The following ITFG1 variants were observed in gnomAD, a reference collection of about 807,000 sequenced individuals.
ITFG1 encodes the protein T-cell immunomodulatory protein.
Under a neutral mutation model 81.8 loss-of-function variants are expected in ITFG1, and 34 were observed. The observed-to-expected ratio is 0.42, with a 90% CI of 0.32 to 0.55. ITFG1 has a LOEUF of 0.55. Among genes scored for constraint, ITFG1 ranks in the 20% least tolerant of loss-of-function variants. The pLI is 0.17. For missense variants in ITFG1, 672 were observed against 755.4 expected (o/e 0.89, Z 1.29); for synonymous variants, 285 against 270.6 (o/e 1.05, Z -0.52).
At chr16:47,453,387 A>G (rs1969412981) in intron 3 of ITFG1, among the ~76,000 whole-genome samples, 2 of 152,300 alleles carry the variant, frequency 1.3e-5, no homozygotes, top group South Asian at 4.1e-4. Flanking sequence ...CCATACTTCA[A>G]CTTTTTTGTG....
In ITFG1 at chr16:47,365,872, G is replaced by A. The variant is rs1421190673; in HGVS notation, c.721-3C>T. ...GTACTGACAGAGAAGTTTCCATCCT[G>A]TTAAATGAAGAAAACTTTGAATTAG... On this transcript the variant is annotated splice_region_variant and splice_polypyrimidine_tract_variant and intron_variant, in intron 7 of 17. Coordinates refer to ENST00000320640, the MANE Select transcript of ITFG1 (RefSeq NM_030790.5). 6.6e-7 allele frequency: 1 copy of A among 1,524,620 alleles called. No homozygotes were observed. Among genetic ancestry groups the A allele is most frequent in the Admixed American group, 1.7e-5 (1 of 59,518 alleles). 94.4% of individuals were successfully genotyped at this position (1,524,620 alleles called of 1,614,324 possible).
chr16:47,183,435 G>A (rs1010309992), intron 14 of ITFG1, among the ~76,000 whole-genome samples: 5 of 152,216 alleles, frequency 3.3e-5, no homozygotes, highest in African/African-American at 1.2e-4. Context: ...GGAGATCTGA[G>A]AACGGGCAGA....
intron 8 of ITFG1, among the ~76,000 whole-genome samples, chr16:47,335,104 C>T (rs1354433849): frequency 6.6e-6 from 1 of 152,146 alleles, no homozygotes; most frequent in South Asian, 2.1e-4. Flanking sequence ...TGCCAGTAAA[C>T]CTAGCACTTT....
intron 6 of ITFG1, among the ~76,000 whole-genome samples, chr16:47,406,696 A>G (rs1466217110): frequency 6.6e-6 from 1 of 152,216 alleles, no homozygotes; most frequent in Non-Finnish European, 1.5e-5. Flanking sequence ...AACATTAAGT[A>G]TATAGTATTT....
intron 10 of ITFG1, among the ~76,000 whole-genome samples, chr16:47,292,701 C>T (rs1966923622): frequency 1.3e-5 from 2 of 152,294 alleles, no homozygotes; most frequent in South Asian, 2.1e-4. Flanking sequence ...TATTATTTTA[C>T]AATCTATGTC....
At chr16:47,379,534 A>G (rs1337331628) in intron 6 of ITFG1, among the ~76,000 whole-genome samples, 1 of 152,080 alleles carries the variant, frequency 6.6e-6, no homozygotes, top group Non-Finnish European at 1.5e-5. Flanking sequence ...CTAAAAAGAC[A>G]AAAATTAGCC....
chr16:47,181,524 G>A (rs1383681615), intron 14 of ITFG1, among the ~76,000 whole-genome samples: 35 of 129,430 alleles, frequency 2.7e-4, no homozygotes, highest in Non-Finnish European at 3.9e-4. Flanking sequence ...CCCCCCACCC[G>A]GCCAGCCTCC....
At position 47,459,192 on chromosome 16, in the gene ITFG1, T is replaced by C. The variant is rs772199050; in HGVS notation, c.209-17A>G. 6.7e-7 allele frequency: 1 copy of C among 1,494,740 alleles called. No homozygotes were observed. Among genetic ancestry groups the C allele is most frequent in the East Asian group, 2.3e-5 (1 of 44,248 alleles). The allele number at this position is 1,494,740 out of a possible 1,614,324, so 92.6% of individuals were successfully genotyped here. ...AGTCATTTCCTAAAGAAAACAAATA[T>C]ATGATATTAGAAAAATGTTTGTTGA... On this transcript the variant is annotated splice_polypyrimidine_tract_variant and intron_variant, in intron 1 of 17. Coordinates refer to ENST00000320640, the MANE Select transcript of ITFG1 (RefSeq NM_030790.5).
At chr16:47,298,299 A>G (rs191708809) in intron 10 of ITFG1, among the ~76,000 whole-genome samples, 1 of 152,180 alleles carries the variant, frequency 6.6e-6, no homozygotes, top group African/African-American at 2.4e-5. Context: ...TCAATAATTT[A>G]AATTGGTATT....
At chr16:47,323,158 T>C (rs117132430) in intron 8 of ITFG1, among the ~76,000 whole-genome samples, 2,228 of 152,200 alleles carry the variant, frequency 0.015, 16 homozygotes, top group Non-Finnish European at 0.024. Flanking sequence ...TGAGGCACTA[T>C]TGAGAAGTGT....
chr16:47,323,972 A>G (rs549246820), intron 8 of ITFG1, among the ~76,000 whole-genome samples: 1 of 152,330 alleles, frequency 6.6e-6, no homozygotes, highest in South Asian at 2.1e-4. Flanking sequence ...TGAAGTATTA[A>G]ATGTGCTATG....
intron 8 of ITFG1, among the ~76,000 whole-genome samples, chr16:47,347,426 C>T (rs778451402): frequency 2.0e-4 from 30 of 152,254 alleles, no homozygotes; most frequent in South Asian, 4.1e-4. Context: ...GGGTCTCACG[C>T]GCATGGGGCC....
intron 10 of ITFG1, among the ~76,000 whole-genome samples, chr16:47,292,676 C>T (rs1348102862): frequency 6.6e-6 from 1 of 152,144 alleles, no homozygotes; most frequent in African/African-American, 2.4e-5. Context: ...CCTTCCCTTC[C>T]AAGTCTTCAG....
At chr16:47,448,181 A>G (rs2151617467) in intron 5 of ITFG1, 1 of 152,324 alleles carries the variant, frequency 6.6e-6, no homozygotes, top group South Asian at 2.1e-4. Flanking sequence ...TAAGTGATAC[A>G]ATGTCACACT....
chr16:47,440,639 G>A (rs369540592), intron 5 of ITFG1, among the ~76,000 whole-genome samples: 1 of 152,104 alleles, frequency 6.6e-6, no homozygotes, highest in Middle Eastern at 3.4e-3. Flanking sequence ...CGAAACCAAC[G>A]AGAACAAAGA....
At chr16:47,166,780 T>TTG (rs1964895704) in intron 14 of ITFG1, among the ~76,000 whole-genome samples, 1 of 152,192 alleles carries the variant, frequency 6.6e-6, no homozygotes, top group South Asian at 2.1e-4. Context: ...CCCAAATTAG[T>TTG]TTGCACCCAA....
intron 6 of ITFG1, among the ~76,000 whole-genome samples, chr16:47,416,095 A>AAAAAC (rs1410146908): frequency 5.3e-5 from 8 of 152,282 alleles, no homozygotes; most frequent in South Asian, 4.1e-4. Context: ...ACTGTGTCTC[A>AAAAAC]AAAACAAAAC....
In ITFG1 at chr16:47,458,081, A is replaced by G. The variant is rs993326149; in HGVS notation, c.281+1022T>C. Among the ~76,000 whole-genome samples the G allele has an allele frequency of 2.0e-5, 3 of 152,284 alleles. No homozygotes were observed. In the East Asian group the frequency reaches 5.8e-4, roughly 29 times the overall value. Reference sequence around the variant, plus strand: ...GTAGTCTTTAATCTTCTACAAACCAATTCATTCTGCATATAGTTTACAAGT... The same window carrying G: ...GTAGTCTTTAATCTTCTACAAACCAGTTCATTCTGCATATAGTTTACAAGT... On this transcript the variant is annotated intron_variant, in intron 2 of 17. Transcript: ENST00000320640.
In ITFG1 at chr16:47,302,721, G is replaced by A. The variant is rs141385196; in HGVS notation, c.1070+8519C>T. ...ACACTCTTATTTTGACAACTTCTCC[G>A]TAATGCACCAGAAGTATATGCTTCA... On this transcript the variant is annotated intron_variant, in intron 10 of 17. Coordinates refer to ENST00000320640, the MANE Select transcript of ITFG1 (RefSeq NM_030790.5). Among the ~76,000 whole-genome samples, 5 of 152,204 alleles carry A rather than the reference G, an allele frequency of 3.3e-5. No homozygotes were observed. The East Asian group carries it at 7.7e-4, about 23-fold the overall frequency.
Sources: gnomAD v4.1 joint callset for allele counts (sites outside exome capture counted in the v4.1 genomes callset) on GRCh38, gnomAD v4.1.1 for gene constraint, MANE v1.5 for transcripts, NCBI Gene and HGNC (gene_info 2026-07-23, HGNC 2026-07-21) for gene names.